NOL4L: variants seen among roughly 807,000 people sequenced by gnomAD.
The protein encoded by NOL4L is nucleolar protein 4 like.
Under a neutral mutation model 64.5 loss-of-function variants are expected in NOL4L, and 7 were observed. That is an observed-to-expected ratio of 0.11 (90% CI 0.06 to 0.20). The LOEUF is 0.20. NOL4L is among the 10% of genes least tolerant of loss of function. The pLI, the probability that NOL4L is intolerant of heterozygous loss-of-function variation, is 1.00. For missense variants in NOL4L, 680 were observed against 967.1 expected (o/e 0.70, Z 3.94); for synonymous variants, 413 against 401.0 (o/e 1.03, Z -0.36).
chr20:32,492,251 A>G (rs574704702), intron 4 of NOL4L, among the ~76,000 whole-genome samples: 195 of 152,364 alleles, frequency 1.3e-3, no homozygotes, highest in Middle Eastern at 3.4e-3. Flanking sequence ...ACTCAGCCAT[A>G]AAAAGAAACA....
intron 1 of NOL4L, among the ~76,000 whole-genome samples, chr20:32,530,400 G>A (rs922110054): frequency 6.6e-6 from 1 of 152,136 alleles, no homozygotes; most frequent in Non-Finnish European, 1.5e-5. Flanking sequence ...AATTAGCCGG[G>A]CATGGTGGCG....
Position 32,456,359 on chromosome 20 carries a change from G to A in NOL4L, c.878C>T (p.Ser293Phe), listed in dbSNP as rs952780642. ...CGACGTGGATGGGTTCAGGGTGGAG[G>A]AGCCATTGCCGCTGCCACTCTCAGA... ...SSSESGSGNG[S>F]STLNPSTSSS... Residue 293 changes from serine (S) to phenylalanine (F), a missense_variant, in exon 6 of 11, where the codon TCC becomes TTC. Coordinates refer to ENST00000621426, the MANE Select transcript of NOL4L (RefSeq NM_001256798.2). 1 of 1,477,370 alleles carries A rather than the reference G, an allele frequency of 6.8e-7. No individual in the cohort carries two copies. Among genetic ancestry groups the A allele is most frequent in the African/African-American group, 1.4e-5 (1 of 69,820 alleles). 91.5% of individuals were successfully genotyped at this position (1,477,370 alleles called of 1,614,324 possible). A position where few individuals can be genotyped will look rare whatever the true frequency, so the allele number is the denominator to read the frequency against.
intron 4 of NOL4L, chr20:32,509,979 A>G: frequency 2.3e-6 from 3 of 1,286,872 alleles, no homozygotes; most frequent in South Asian, 2.5e-5. Context: ...CTTCAGTGGC[A>G]GTGAGAGGAG....
At position 32,443,906 on chromosome 20, in the gene NOL4L, A is replaced by G. The variant is rs1424749117; in HGVS notation, c.*3690T>C. 6.6e-6 allele frequency: 1 copy of G among 152,260 alleles called. No homozygotes were observed. The highest frequency in any genetic ancestry group is 1.5e-5 in the Non-Finnish European group (1 of 68,060). 9.4% of individuals were successfully genotyped at this position (152,260 alleles called of 1,614,324 possible). On this transcript the variant is annotated 3_prime_UTR_variant, in exon 11 of 11. Transcript: ENST00000621426. ...TGACTCCTGCTCCTAAATGGACCAC[A>G]TAATTGAGGCATATGGGCCATCTAC...
intron 1 of NOL4L, among the ~76,000 whole-genome samples, chr20:32,542,129 C>T (rs990773167): frequency 2.6e-5 from 4 of 152,166 alleles, no homozygotes; most frequent in African/African-American, 4.8e-5. Flanking sequence ...GGCAAGGTCC[C>T]GCATCCACTG....
In NOL4L at chr20:32,464,879, T is replaced by C. The variant is rs1430173629; in HGVS notation, c.842-8484A>G. On this transcript the variant is annotated intron_variant, in intron 5 of 10. Coordinates refer to ENST00000621426, the MANE Select transcript of NOL4L (RefSeq NM_001256798.2). This position sits in a 1 kb window ranked among gnomAD's most constrained non-coding sequence, Gnocchi z 5.6. ...GTTATCAGAGCTGAGATATTTCACC[T>C]TCTTCTTTCCTACGGAGCCGCTGAG... The C allele has an allele frequency of 1.2e-5, 5 of 422,542 alleles. No individual in the cohort carries two copies. In the Admixed American group the frequency reaches 2.2e-4, roughly 18 times the overall value. The allele number at this position is 422,542 out of a possible 1,614,324, so 26.2% of individuals were successfully genotyped here.
At chr20:32,522,020 C>A (rs567594632) in intron 2 of NOL4L, among the ~76,000 whole-genome samples, 2 of 152,384 alleles carry the variant, frequency 1.3e-5, no homozygotes, top group South Asian at 4.1e-4. Context: ...CAGGGGTTTG[C>A]TCCTTTAGAA....
At chr20:32,503,369 G>T (rs2017002207) in intron 4 of NOL4L, among the ~76,000 whole-genome samples, 1 of 152,216 alleles carries the variant, frequency 6.6e-6, no homozygotes, top group South Asian at 2.1e-4. Flanking sequence ...GCAAAGGAAA[G>T]AAGCCAGAAG....
intron 4 of NOL4L, among the ~76,000 whole-genome samples, chr20:32,508,697 C>T (rs1435399534): frequency 1.3e-5 from 2 of 152,232 alleles, no homozygotes; most frequent in African/African-American, 2.4e-5. Context: ...CCACCTCGAT[C>T]TTGGCCCTGC....
Position 32,520,932 on chromosome 20 carries a change from A to G in NOL4L, c.478-10T>C. The G allele has an allele frequency of 6.5e-7, 1 of 1,537,652 alleles. No homozygotes were observed. The highest frequency in any genetic ancestry group is 8.8e-7 in the Non-Finnish European group (1 of 1,136,320). On this transcript the variant is annotated splice_polypyrimidine_tract_variant and intron_variant, in intron 2 of 10. Transcript: ENST00000621426. ...CATAGGTCTCTGCGATCTGGAGGAG[A>G]GAAGAGCTTCGCTTGTTATATGGAT...
rs569334088 is a variant in NOL4L, at chr20:32,446,431, G to C, written c.*1165C>G. 2.0e-5 allele frequency: 3 copies of C among 152,450 alleles called. No individual in the cohort carries two copies. The highest frequency in any genetic ancestry group is 1.9e-4 in the East Asian group (1 of 5,182). 9.4% of individuals were successfully genotyped at this position (152,450 alleles called of 1,614,324 possible). A position where few individuals can be genotyped will look rare whatever the true frequency, so the allele number is the denominator to read the frequency against. On this transcript the variant is annotated 3_prime_UTR_variant, in exon 11 of 11. Coordinates refer to ENST00000621426, the MANE Select transcript of NOL4L (RefSeq NM_001256798.2). ...GGGATGGGAGCTGCAGCCCGCCCTG[G>C]AGCTCACGGCTGCCTGATAGCCGGG...
At chr20:32,484,511 C>A (rs1456724746) in intron 4 of NOL4L, among the ~76,000 whole-genome samples, 1 of 151,988 alleles carries the variant, frequency 6.6e-6, no homozygotes, top group Non-Finnish European at 1.5e-5. Context: ...CCGCGGGCAC[C>A]CGAGTGTCCG....
At chr20:32,458,341 C>T (rs1273125581) in intron 5 of NOL4L, among the ~76,000 whole-genome samples, 2 of 152,230 alleles carry the variant, frequency 1.3e-5, no homozygotes, top group Non-Finnish European at 2.9e-5. Flanking sequence ...TCTGGTTCCA[C>T]ACTGCCACTT....
At chr20:32,555,119 GCCTCTGCCCAGGCTGCTC>G (rs1321180497) in intron 1 of NOL4L, among the ~76,000 whole-genome samples, 2 of 152,040 alleles carry the variant, frequency 1.3e-5, no homozygotes, top group Admixed American at 6.5e-5. Flanking sequence ...TCAGCACCTG[GCCTCTGCCCAGGCTGCTC>G]CCTCTGCCTG....
chr20:32,524,985 C>T (rs2018078755), intron 2 of NOL4L, among the ~76,000 whole-genome samples: 1 of 152,272 alleles, frequency 6.6e-6, no homozygotes, highest in African/African-American at 2.4e-5. Flanking sequence ...CTGCTCAGCT[C>T]AGCCTTGGCC....
intron 3 of NOL4L, among the ~76,000 whole-genome samples, chr20:32,515,688 G>A (rs1024285757): frequency 3.9e-5 from 6 of 152,052 alleles, no homozygotes; most frequent in African/African-American, 9.7e-5. Flanking sequence ...GAGACACGCC[G>A]CCCCCCTCCC....
At position 32,463,934 on chromosome 20, in the gene NOL4L, G is replaced by A. The variant is rs1381557740; in HGVS notation, c.842-7539C>T. Among the ~76,000 whole-genome samples, 6 of 152,218 alleles carry A rather than the reference G, an allele frequency of 3.9e-5. No individual in the cohort carries two copies. Among genetic ancestry groups the A allele is most frequent in the African/African-American group, 1.2e-4 (5 of 41,452 alleles). ...CGGCCACTGGAGGCCAGCAGGCCCT[G>A]CGTGCAGACTGCCTTCCGTGTCCAG... On this transcript the variant is annotated intron_variant, in intron 5 of 10. Coordinates refer to ENST00000621426, the MANE Select transcript of NOL4L (RefSeq NM_001256798.2). The surrounding 1 kb of genome is among the most constrained non-coding windows in gnomAD (Gnocchi z 5.8).
chr20:32,544,428 G>A (rs1198547656), intron 1 of NOL4L, among the ~76,000 whole-genome samples: 2 of 152,038 alleles, frequency 1.3e-5, no homozygotes, highest in Admixed American at 6.6e-5. Flanking sequence ...AGAGAGGTGA[G>A]GGCCACCTCC....
intron 1 of NOL4L, among the ~76,000 whole-genome samples, chr20:32,579,916 C>T (rs1980361092): frequency 6.6e-6 from 1 of 152,190 alleles, no homozygotes; most frequent in South Asian, 2.1e-4. Flanking sequence ...CCCCACCCCA[C>T]ACCCATCTTC....
Sources: allele counts gnomAD v4.1 joint callset (sites outside exome capture counted in the v4.1 genomes callset), GRCh38; gene constraint gnomAD v4.1.1; non-coding constraint Gnocchi (gnomAD v3.1); transcripts MANE v1.5; gene names NCBI Gene and HGNC (gene_info 2026-07-23, HGNC 2026-07-21).